ANK2: variants seen among roughly 807,000 people sequenced by gnomAD.
The protein encoded by ANK2 is ankyrin 2.
ANK2 carries 83 observed loss-of-function variants against 360.5 expected under a neutral mutation model. The observed-to-expected ratio is 0.23, with a 90% CI of 0.19 to 0.28. The LOEUF (loss-of-function observed/expected upper bound fraction) is 0.28, where lower values mean the gene tolerates loss of function less well. ANK2 is among the 10% of genes least tolerant of loss of function. The pLI is 1.00. For missense variants in ANK2, 4,201 were observed against 4,795.7 expected (o/e 0.88, Z 3.66); for synonymous variants, 1,740 against 1,759.5 (o/e 0.99, Z 0.28).
At chr4:112,780,186 CA>C in the ANK2 span, among the ~76,000 whole-genome samples, 4,404 of 130,362 alleles carry the variant, frequency 0.034, 123 homozygotes, top group African/African-American at 0.079. Flanking sequence ...GACTCTGTCT[CA>C]AAAAAAAAAA....
intron 4 of ANK2, among the ~76,000 whole-genome samples, chr4:113,204,621 T>C (rs2098917420): frequency 6.6e-6 from 1 of 152,186 alleles, no homozygotes; most frequent in Non-Finnish European, 1.5e-5. Flanking sequence ...GAGGCATAGG[T>C]AGGAAAACCA....
At chr4:113,190,458 A>C (rs2098640630) in intron 2 of ANK2, among the ~76,000 whole-genome samples, 1 of 150,740 alleles carries the variant, frequency 6.6e-6, no homozygotes. Flanking sequence ...ACACCATAAC[A>C]TTCTACAATT....
chr4:113,353,180 T>G lies in ANK2; in HGVS notation c.4562T>G (p.Leu1521Trp). The change falls in exon 38 of 46, where the codon TTG becomes TGG. Residue 1521 changes from leucine to tryptophan, a missense_variant. Leu to Trp is a moderately conservative substitution (Grantham distance 61, BLOSUM62 -2). Coordinates refer to ENST00000357077, the MANE Select transcript of ANK2 (RefSeq NM_001148.6). ...KQDLIKMTAI[L>W]TTDVSDKAGS... is the part of the protein sequence containing the mutation. ...GATTTGATCAAAATGACCGCCATCT[T>G]GACCACAGATGTGTCTGATAAGGCA... 1 of 1,614,102 alleles carries G rather than the reference T, an allele frequency of 6.2e-7. No homozygotes were observed. The highest frequency in any genetic ancestry group is 8.5e-7 in the Non-Finnish European group (1 of 1,179,968).
intron 2 of ANK2, chr4:112,980,459 G>C (rs879491054): frequency 6.6e-6 from 1 of 152,218 alleles, no homozygotes; most frequent in Admixed American, 6.5e-5. Flanking sequence ...AATCCCGGCC[G>C]CACCGCTGCA....
the ANK2 span, among the ~76,000 whole-genome samples, chr4:112,750,202 T>C: frequency 1.3e-5 from 2 of 151,894 alleles, no homozygotes; most frequent in African/African-American, 4.8e-5. Context: ...GAGGCTGAGA[T>C]TGGCAGGTTG....
intron 1 of ANK2, among the ~76,000 whole-genome samples, chr4:112,885,465 C>T (rs1199544301): frequency 7.6e-5 from 11 of 144,470 alleles, no homozygotes; most frequent in South Asian, 4.4e-4. Flanking sequence ...TGCCATTGCA[C>T]TCCATCCTGG....
intron 13 of ANK2, among the ~76,000 whole-genome samples, chr4:113,261,792 T>TA (rs889326860): frequency 6.6e-6 from 1 of 152,008 alleles, no homozygotes; most frequent in Non-Finnish European, 1.5e-5. Context: ...GTAAAACCCA[T>TA]AAAAAAAACT....
rs2076802710 is a variant in ANK2 at position 112,881,920 on chromosome 4, G to T, written c.-39-22535G>T. 35 of 692,194 alleles carry T rather than the reference G, an allele frequency of 5.1e-5. No individual in the cohort carries two copies. In the South Asian group the frequency reaches 5.1e-4, roughly 10 times the overall value. 42.9% of individuals were successfully genotyped at this position (692,194 alleles called of 1,614,324 possible). ...TCCACAACTCTCCCATCCACCTTGT[G>T]TGGCTTTGCATTCACGGCTGCCATC... On this transcript the variant is annotated intron_variant, in intron 1 of 30. Transcript: ENST00000503271.
chr4:113,142,620 A>T (rs12500983), intron 1 of ANK2, among the ~76,000 whole-genome samples: 23,314 of 151,970 alleles, frequency 0.15, 2,792 homozygotes, highest in East Asian at 0.51. Context: ...AGGGATCACT[A>T]CATGGCATAT....
intron 17 of ANK2, among the ~76,000 whole-genome samples, chr4:113,281,349 G>T (rs2062250064): frequency 6.6e-6 from 1 of 152,018 alleles, no homozygotes; most frequent in East Asian, 1.9e-4. Flanking sequence ...ACCAGCCTGG[G>T]CAACATGGTG....
chr4:113,325,250 A>G (rs923958425), intron 26 of ANK2, among the ~76,000 whole-genome samples: 2 of 152,216 alleles, frequency 1.3e-5, no homozygotes, highest in Non-Finnish European at 2.9e-5. Flanking sequence ...TGTTTTAACC[A>G]TAAAGCAAAA....
intron 1 of ANK2, among the ~76,000 whole-genome samples, chr4:113,100,201 A>C (rs1314636325): frequency 1.3e-5 from 2 of 152,232 alleles, no homozygotes; most frequent in East Asian, 3.9e-4. Flanking sequence ...ACAGGCTACA[A>C]GAAAAAAAAT....
intron 1 of ANK2, among the ~76,000 whole-genome samples, chr4:112,890,699 C>G (rs144777824): frequency 0.015 from 2,316 of 151,286 alleles, 39 homozygotes; most frequent in African/African-American, 0.038. Flanking sequence ...TCCCTAGTAG[C>G]TGGGATTACA....
chr4:112,956,852 G>T (rs555592073), intron 2 of ANK2, among the ~76,000 whole-genome samples: 5 of 152,182 alleles, frequency 3.3e-5, no homozygotes, highest in African/African-American at 1.2e-4. Context: ...TGAAGAGAAT[G>T]AAGTGGGTAA....
intron 2 of ANK2, chr4:113,031,483 A>C (rs2060388832): frequency 6.6e-6 from 1 of 152,032 alleles, no homozygotes; most frequent in Non-Finnish European, 1.5e-5. Flanking sequence ...CTTCTTCCTA[A>C]GGGATAGAGG....
chr4:112,775,546 A>ACACACACACACACACACACACAC, the ANK2 span, among the ~76,000 whole-genome samples: 25 of 8,746 alleles, frequency 2.9e-3, no homozygotes, highest in South Asian at 8.8e-3. Flanking sequence ...CACACACACA[A>ACACACACACACACACACACACAC]GAAAAAAAAT....
the ANK2 span, among the ~76,000 whole-genome samples, chr4:112,746,866 T>C: frequency 2.6e-5 from 4 of 152,254 alleles, no homozygotes; most frequent in Admixed American, 6.5e-5. Flanking sequence ...CATGCTTTTG[T>C]GATTTTTCTG....
intron 2 of ANK2, among the ~76,000 whole-genome samples, chr4:112,967,434 C>T (rs1006148962): frequency 4.6e-5 from 7 of 152,224 alleles, no homozygotes; most frequent in Non-Finnish European, 8.8e-5. Context: ...TTTTCCCTCA[C>T]CACCATTTAG....
chr4:113,183,745 A>G (rs2098460580), intron 2 of ANK2, among the ~76,000 whole-genome samples: 1 of 151,990 alleles, frequency 6.6e-6, no homozygotes, highest in African/African-American at 2.4e-5. Flanking sequence ...TGACCATGGA[A>G]GTGAGCGGAT....
Sources: allele counts gnomAD v4.1 joint callset (sites outside exome capture counted in the v4.1 genomes callset), GRCh38; gene constraint gnomAD v4.1.1; transcripts MANE v1.5; gene names NCBI Gene and HGNC (gene_info 2026-07-23, HGNC 2026-07-21).